PDE4D: variants seen among roughly 807,000 people sequenced by gnomAD.
The protein encoded by PDE4D is 3',5'-cyclic-AMP phosphodiesterase 4D.
PDE4D carries 24 observed loss-of-function variants against 87.4 expected under a neutral mutation model. The ratio of observed to expected loss-of-function variants is 0.27; its 90% CI spans 0.20 to 0.39. The LOEUF is 0.39. PDE4D is among the 10% of genes least tolerant of loss of function. The probability of loss-of-function intolerance (pLI) is 1.00; values close to 1 mark genes in which losing one functional copy is unlikely to be tolerated. For synonymous variants in PDE4D, 384 were observed against 383.2 expected (o/e 1.00, Z -0.02); for missense variants, 714 against 1,041.0 (o/e 0.69, Z 4.32).
At chr5:59,977,775 T>G (rs528309216) in intron 3 of PDE4D, among the ~76,000 whole-genome samples, 2 of 152,340 alleles carry the variant, frequency 1.3e-5, no homozygotes, top group Admixed American at 1.3e-4. Context: ...AATGCCTGGC[T>G]TCAAAGCTTC....
intron 5 of PDE4D, among the ~76,000 whole-genome samples, chr5:59,179,074 A>G (rs6896337): frequency 1.7e-3 from 259 of 152,266 alleles, no homozygotes; most frequent in African/African-American, 6.0e-3. Flanking sequence ...CAAAGTATTT[A>G]TTTTAGCATA....
At chr5:59,910,454 C>T (rs2152769611) in intron 3 of PDE4D, among the ~76,000 whole-genome samples, 1 of 152,322 alleles carries the variant, frequency 6.6e-6, no homozygotes. Flanking sequence ...CTCATGTTCA[C>T]ATACCAAAGA....
chr5:59,710,895 T>C (rs1338903649), intron 1 of PDE4D, among the ~76,000 whole-genome samples: 1 of 152,176 alleles, frequency 6.6e-6, no homozygotes. Context: ...TGGTTTTATA[T>C]GTGATACTAA....
At chr5:59,581,288 T>G (rs1824101382) in intron 1 of PDE4D, among the ~76,000 whole-genome samples, 2 of 152,196 alleles carry the variant, frequency 1.3e-5, no homozygotes, top group African/African-American at 4.8e-5. Context: ...TTTGGGTTCT[T>G]CTTTGCATCT....
At chr5:59,295,634 A>G (rs1021548485) in intron 1 of PDE4D, among the ~76,000 whole-genome samples, 7 of 152,114 alleles carry the variant, frequency 4.6e-5, no homozygotes, top group African/African-American at 1.7e-4. Flanking sequence ...GGAAAAAGGT[A>G]TCACCTTCAG....
chr5:59,793,831 T>G (rs756079013), intron 1 of PDE4D, among the ~76,000 whole-genome samples: 14 of 152,212 alleles, frequency 9.2e-5, no homozygotes, highest in Non-Finnish European at 1.6e-4. Context: ...GGCTCATAGA[T>G]TAAGCCGTGG....
At chr5:60,143,329 C>T (rs2149424219) in intron 2 of PDE4D, among the ~76,000 whole-genome samples, 1 of 152,246 alleles carries the variant, frequency 6.6e-6, no homozygotes, top group East Asian at 1.9e-4. Context: ...AAATAATATT[C>T]TATAACAAAA....
chr5:60,317,354 T>C (rs1755723588), intron 1 of PDE4D, among the ~76,000 whole-genome samples: 1 of 152,236 alleles, frequency 6.6e-6, no homozygotes, highest in South Asian at 2.1e-4. Flanking sequence ...TATTTTTTAT[T>C]GCATCTATTT....
At chr5:59,085,254 A>G (rs1429706310) in intron 5 of PDE4D, among the ~76,000 whole-genome samples, 2 of 152,172 alleles carry the variant, frequency 1.3e-5, no homozygotes, top group African/African-American at 4.8e-5. Context: ...TAATGGTAAG[A>G]AAAGTGTTCA....
chr5:59,504,881 A>G (rs1222216066), intron 1 of PDE4D, among the ~76,000 whole-genome samples: 4 of 150,478 alleles, frequency 2.7e-5, no homozygotes, highest in Non-Finnish European at 4.4e-5. Context: ...ACATACTTTC[A>G]TACTTTCTTG....
At chr5:59,280,631 G>T (rs946678064) in intron 1 of PDE4D, among the ~76,000 whole-genome samples, 1 of 151,876 alleles carries the variant, frequency 6.6e-6, no homozygotes, top group African/African-American at 2.4e-5. Context: ...TTTTATTAAA[G>T]AAATACATGT....
chr5:59,898,303 G>T (rs1038832591), upstream of PDE4D, among the ~76,000 whole-genome samples: 17 of 152,112 alleles, frequency 1.1e-4, no homozygotes, highest in Non-Finnish European at 2.5e-4. Context: ...CTAATTCTCA[G>T]GACGACTGTG....
intron 1 of PDE4D, among the ~76,000 whole-genome samples, chr5:59,420,934 A>G (rs1794389336): frequency 6.6e-6 from 1 of 152,124 alleles, no homozygotes; most frequent in African/African-American, 2.4e-5. Flanking sequence ...TACCTATCAT[A>G]AGGGTGAGTT....
intron 1 of PDE4D, among the ~76,000 whole-genome samples, chr5:60,445,403 T>C (rs1178729882): frequency 6.6e-6 from 1 of 152,186 alleles, no homozygotes; most frequent in Non-Finnish European, 1.5e-5. Context: ...CAACAAATCA[T>C]TATTCCACTG....
At chr5:59,572,046 C>A (rs182029350) in intron 1 of PDE4D, among the ~76,000 whole-genome samples, 261 of 152,288 alleles carry the variant, frequency 1.7e-3, no homozygotes, top group Non-Finnish European at 2.7e-3. Flanking sequence ...ACATTTCAAG[C>A]CTAGGGAAGC....
Position 59,790,757 on chromosome 5 carries a change from G to A in PDE4D, c.455+102411C>T, listed in dbSNP as rs979924365. On this transcript the variant is annotated intron_variant, in intron 1 of 14. Transcript: ENST00000340635. ...CCTTCTTTATTGTTTCTCTAATTGA[G>A]CCTAATATGCAATTCATTGTGAAAT... Among the ~76,000 whole-genome samples the A allele has an allele frequency of 2.0e-5, 3 of 151,806 alleles. No individual in the cohort carries two copies. In the East Asian group the frequency reaches 5.8e-4, roughly 29 times the overall value.
intron 1 of PDE4D, among the ~76,000 whole-genome samples, chr5:59,762,681 T>C (rs1277801165): frequency 6.7e-6 from 1 of 148,814 alleles, no homozygotes; most frequent in African/African-American, 2.5e-5. Context: ...TGTGTATATG[T>C]GTATATAGGT....
chr5:59,774,372 G>A (rs1477158778), intron 1 of PDE4D, among the ~76,000 whole-genome samples: 1 of 152,078 alleles, frequency 6.6e-6, no homozygotes, highest in Non-Finnish European at 1.5e-5. Context: ...AAATTCATCA[G>A]ATATTTCTTA....
intron 1 of PDE4D, among the ~76,000 whole-genome samples, chr5:60,280,855 C>T (rs1751825923): frequency 6.6e-6 from 1 of 152,088 alleles, no homozygotes; most frequent in Non-Finnish European, 1.5e-5. Flanking sequence ...TGTTTATTAT[C>T]TAAAATAAGG....
Sources: allele counts gnomAD v4.1 joint callset (sites outside exome capture counted in the v4.1 genomes callset), GRCh38; gene constraint gnomAD v4.1.1; transcripts MANE v1.5; gene names NCBI Gene and HGNC (gene_info 2026-07-23, HGNC 2026-07-21).